Variants in PEBP4 observed in about 807,000 individuals in gnomAD.
PEBP4 encodes phosphatidylethanolamine-binding protein 4.
In PEBP4, 22 loss-of-function variants were observed where a neutral mutation model predicts 23.9. The observed-to-expected ratio is 0.92, with a 90% CI of 0.66 to 1.31. The LOEUF is 1.31. Ranked by LOEUF, PEBP4 falls within the 40% of genes most tolerant of loss-of-function variation. The pLI, the probability that PEBP4 is intolerant of heterozygous loss-of-function variation, is 0.00. For missense variants in PEBP4, 324 were observed against 281.7 expected (o/e 1.15, Z -1.07); for synonymous variants, 112 against 99.3 (o/e 1.13, Z -0.76).
chr8:22,800,146 C>T (rs1563220296), intron 4 of PEBP4, among the ~76,000 whole-genome samples: 1 of 151,942 alleles, frequency 6.6e-6, no homozygotes, highest in Admixed American at 6.6e-5. Context: ...GCTGAGCAGC[C>T]CAGGGTAAAC....
chr8:22,873,533 G>A (rs1352014909), intron 3 of PEBP4, among the ~76,000 whole-genome samples: 1 of 152,156 alleles, frequency 6.6e-6, no homozygotes, highest in Non-Finnish European at 1.5e-5. Flanking sequence ...CAATGGGGCT[G>A]AGGTGGGAGG....
intron 3 of PEBP4, among the ~76,000 whole-genome samples, chr8:22,905,194 A>AT (rs371991472): frequency 6.6e-6 from 1 of 152,096 alleles, no homozygotes; most frequent in Non-Finnish European, 1.5e-5. Context: ...CTAAAATCAC[A>AT]TTTTTTATAT....
chr8:22,854,135 T>C (rs552405409), intron 3 of PEBP4, among the ~76,000 whole-genome samples: 31 of 152,310 alleles, frequency 2.0e-4, no homozygotes, highest in African/African-American at 7.5e-4. Context: ...GAGGACTGGA[T>C]ATGGCCCTAC....
intron 4 of PEBP4, among the ~76,000 whole-genome samples, chr8:22,752,703 T>C (rs1805294427): frequency 6.6e-6 from 1 of 152,262 alleles, no homozygotes; most frequent in African/African-American, 2.4e-5. Flanking sequence ...TGGGGGCTCA[T>C]TTCTGCCTGC....
rs1804350100 is a variant in PEBP4 at position 22,713,453 on chromosome 8, G to A, written c.601C>T (p.Gln201Ter). 4 of 1,613,938 alleles carry A rather than the reference G, an allele frequency of 2.5e-6. No homozygotes were observed. The highest frequency in any genetic ancestry group is 3.4e-6 in the Non-Finnish European group (4 of 1,180,008). ...GGAGCCTGGAGGGTTGGTGAGTCCT[G>A]GTAGTTCTGGGTCATGAACTGGGTG... ...ASTQFMTQNY[Q>*]DSPTLQAPRE... The change falls in exon 7 of 7, where the codon CAG becomes TAG. Residue 201 changes from glutamine (Q) to a stop codon, truncating the protein, a stop_gained. Coordinates refer to ENST00000256404, the MANE Select transcript of PEBP4 (RefSeq NM_144962.3). LOFTEE classifies it low-confidence loss of function (END_TRUNC).
intron 4 of PEBP4, among the ~76,000 whole-genome samples, chr8:22,784,425 T>C (rs1805987514): frequency 1.3e-5 from 2 of 152,150 alleles, no homozygotes; most frequent in Admixed American, 6.5e-5. Context: ...CAATTTGTCA[T>C]TGATGCCTTG....
chr8:22,750,508 C>T (rs560419248), intron 4 of PEBP4, among the ~76,000 whole-genome samples: 22 of 152,298 alleles, frequency 1.4e-4, no homozygotes, highest in African/African-American at 5.1e-4. Flanking sequence ...TTTCTTCTTC[C>T]AAAATCAAGG....
intron 4 of PEBP4, among the ~76,000 whole-genome samples, chr8:22,791,039 TAGGCCAGA>T (rs918004561): frequency 6.6e-6 from 1 of 152,154 alleles, no homozygotes; most frequent in African/African-American, 2.4e-5. Context: ...TACCCTTTGA[TAGGCCAGA>T]AGACCAGATG....
chr8:22,928,629 C>T (rs780675456), upstream of PEBP4, among the ~76,000 whole-genome samples: 2 of 151,910 alleles, frequency 1.3e-5, no homozygotes, highest in Non-Finnish European at 2.9e-5. Flanking sequence ...AGAATAAAGG[C>T]GGCTTGCAAC....
At chr8:22,816,102 G>T (rs1051465793) in intron 4 of PEBP4, among the ~76,000 whole-genome samples, 3 of 152,188 alleles carry the variant, frequency 2.0e-5, no homozygotes, top group Non-Finnish European at 4.4e-5. Flanking sequence ...TCTAGCCTTG[G>T]GGGGTGAGGG....
intron 4 of PEBP4, among the ~76,000 whole-genome samples, chr8:22,771,716 T>C (rs1371119648): frequency 6.6e-6 from 1 of 152,298 alleles, no homozygotes; most frequent in East Asian, 1.9e-4. Flanking sequence ...CCATAAGACA[T>C]GCCCACCAGC....
At chr8:22,914,338 C>T (rs1208046082) in intron 3 of PEBP4, among the ~76,000 whole-genome samples, 1 of 152,066 alleles carries the variant, frequency 6.6e-6, no homozygotes, top group Non-Finnish European at 1.5e-5. Flanking sequence ...CAAGCAAATC[C>T]TCCTGTCTTG....
intron 4 of PEBP4, among the ~76,000 whole-genome samples, chr8:22,734,178 A>G (rs1804802176): frequency 6.6e-6 from 1 of 152,208 alleles, no homozygotes; most frequent in South Asian, 2.1e-4. Flanking sequence ...AGCGGAAGGC[A>G]CTGACAGCTC....
chr8:22,745,092 A>AT (rs1374260559), intron 4 of PEBP4, among the ~76,000 whole-genome samples: 1 of 151,968 alleles, frequency 6.6e-6, no homozygotes, highest in Non-Finnish European at 1.5e-5. Flanking sequence ...GGAAGGGAAT[A>AT]TTTTTTTCCC....
intron 3 of PEBP4, among the ~76,000 whole-genome samples, chr8:22,892,057 A>G (rs1808505988): frequency 6.6e-6 from 1 of 151,714 alleles, no homozygotes; most frequent in African/African-American, 2.4e-5. Context: ...TGGGCGAAAG[A>G]GCAAGACTCC....
At chr8:22,917,437 T>C (rs1296123861) in intron 3 of PEBP4, among the ~76,000 whole-genome samples, 1 of 152,104 alleles carries the variant, frequency 6.6e-6, no homozygotes, top group Non-Finnish European at 1.5e-5. Flanking sequence ...CCTTCCATTC[T>C]AACCAGGGAA....
At chr8:22,906,891 G>A (rs115360958) in intron 3 of PEBP4, among the ~76,000 whole-genome samples, 2,148 of 152,114 alleles carry the variant, frequency 0.014, 28 homozygotes, top group African/African-American at 0.036. Flanking sequence ...AGCAAAAAAC[G>A]TAAAAAAAAG....
intron 3 of PEBP4, among the ~76,000 whole-genome samples, chr8:22,916,332 T>C (rs759797636): frequency 6.6e-6 from 1 of 152,208 alleles, no homozygotes; most frequent in Admixed American, 6.5e-5. Context: ...TGCCTCTTCA[T>C]GTTTGTCAGA....
intron 4 of PEBP4, among the ~76,000 whole-genome samples, chr8:22,768,765 G>A (rs918403923): frequency 6.6e-6 from 1 of 152,134 alleles, no homozygotes; most frequent in East Asian, 1.9e-4. Context: ...GTTGGCCCGC[G>A]GATGGTGCTA....
Sources: gnomAD v4.1 joint callset for allele counts (sites outside exome capture counted in the v4.1 genomes callset) on GRCh38, gnomAD v4.1.1 for gene constraint, MANE v1.5 for transcripts, NCBI Gene and HGNC (gene_info 2026-07-23, HGNC 2026-07-21) for gene names.